KLHL13: variants seen among roughly 807,000 people sequenced by gnomAD.
KLHL13 encodes the protein kelch-like protein 13.
A neutral mutation model predicts 37.1 loss-of-function variants in KLHL13; 10 were observed. The observed-to-expected ratio is 0.27, with a 90% CI of 0.17 to 0.46. KLHL13 has a LOEUF of 0.46. Among genes scored for constraint, KLHL13 ranks in the 20% least tolerant of loss-of-function variants. KLHL13 has a pLI of 1.00. For missense variants in KLHL13, 360 were observed against 509.3 expected (o/e 0.71, Z 2.82); for synonymous variants, 163 against 181.2 (o/e 0.90, Z 0.81).
At chrX:118,040,421 T>TA (rs1324869278) in intron 1 of KLHL13, among the ~76,000 whole-genome samples, 1 of 111,280 alleles carries the variant, frequency 9.0e-6, no homozygotes, top group Admixed American at 9.6e-5. Flanking sequence ...ACAAATGACA[T>TA]ACTGAAGAAT....
chrX:118,026,913 C>G (rs2054280775), intron 1 of KLHL13, among the ~76,000 whole-genome samples: 1 of 111,707 alleles, frequency 9.0e-6, no homozygotes, highest in African/African-American at 3.2e-5. Flanking sequence ...GATCAAGATC[C>G]TGAAGTATTT....
At chrX:118,054,029 A>C (rs1409749576) in intron 1 of KLHL13, among the ~76,000 whole-genome samples, 2 of 111,447 alleles carry the variant, frequency 1.8e-5, no homozygotes, top group Non-Finnish European at 3.8e-5. Context: ...AAAAACGCTT[A>C]CAAAAGATTT....
At chrX:118,063,431 T>G (rs2054762789) in intron 1 of KLHL13, among the ~76,000 whole-genome samples, 2 of 111,210 alleles carry the variant, frequency 1.8e-5, no homozygotes, top group African/African-American at 3.3e-5. Context: ...AGAGGACAAT[T>G]GGTTCAACCC....
chrX:118,042,085 C>T (rs1269763228), intron 1 of KLHL13, among the ~76,000 whole-genome samples: 2 of 111,666 alleles, frequency 1.8e-5, no homozygotes, highest in African/African-American at 3.2e-5. Flanking sequence ...AAACATATTT[C>T]AAGACAAAAA....
upstream of KLHL13, among the ~76,000 whole-genome samples, chrX:117,977,870 A>G (rs1445365039): frequency 1.8e-5 from 2 of 112,235 alleles, no homozygotes; most frequent in Non-Finnish European, 3.8e-5. Context: ...GTTCACATTC[A>G]TGGCTATGTA....
At chrX:118,051,833 C>T (rs1355523925) in intron 1 of KLHL13, among the ~76,000 whole-genome samples, 2 of 111,148 alleles carry the variant, frequency 1.8e-5, no homozygotes, top group African/African-American at 6.5e-5. Flanking sequence ...GAACTGAACA[C>T]ATAAAAATTG....
chrX:118,033,795 C>G lies in KLHL13; in HGVS notation c.-56+82713G>C, dbSNP rs367753818. ...GCTCCAATTAAAAGACACAGACTGG[C>G]AAATTGGATAAAGAGTCAAGACCCA... On this transcript the variant is annotated intron_variant, in intron 1 of 6. Transcript: ENST00000371882. Among the ~76,000 whole-genome samples, 14 of 110,070 alleles carry G rather than the reference C, an allele frequency of 1.3e-4. 1 individual carries two copies. The East Asian group carries it at 4.0e-3, about 31-fold the overall frequency.
At chrX:117,919,875 T>C (rs1265159624) in intron 3 of KLHL13, among the ~76,000 whole-genome samples, 158 bp from the exon 5 acceptor site, 1 of 109,958 alleles carries the variant, frequency 9.1e-6, no homozygotes, top group Admixed American at 9.9e-5. Flanking sequence ...TAAAAGAAAG[T>C]ACTTAAAAAA....
At chrX:118,006,121 T>G (rs1344392227) in intron 1 of KLHL13, among the ~76,000 whole-genome samples, 1 of 111,709 alleles carries the variant, frequency 9.0e-6, no homozygotes, top group Non-Finnish European at 1.9e-5. Context: ...CAGTGATTAT[T>G]AGATCAATAC....
chrX:117,992,357 G>A (rs1355061874), intron 1 of KLHL13, among the ~76,000 whole-genome samples: 1 of 110,957 alleles, frequency 9.0e-6, no homozygotes, highest in African/African-American at 3.3e-5. Context: ...CCAGGCTCTG[G>A]AGCACTGTCC....
At chrX:117,985,365 A>G in intron 1 of KLHL13, 2 of 1,064,483 alleles carry the variant, frequency 1.9e-6, no homozygotes, top group Non-Finnish European at 2.4e-6. Flanking sequence ...AGGCTCTGCT[A>G]CATAGTAGCG....
At chrX:118,008,671 C>G (rs1200366330) in intron 1 of KLHL13, among the ~76,000 whole-genome samples, 1 of 111,375 alleles carries the variant, frequency 9.0e-6, no homozygotes, top group African/African-American at 3.3e-5. Context: ...ACAGGACAGG[C>G]AAAACCCTTG....
chrX:117,946,300 A>T (rs1933315740), intron 1 of KLHL13: 1 of 112,076 alleles, frequency 8.9e-6, no homozygotes, highest in African/African-American at 3.2e-5. Context: ...TTTCAAAGAA[A>T]TGAATACTAA....
At chrX:118,032,962 G>A (rs762304986) in intron 1 of KLHL13, among the ~76,000 whole-genome samples, 5 of 111,719 alleles carry the variant, frequency 4.5e-5, no homozygotes, top group South Asian at 7.6e-4. Context: ...CTCAGGAGCC[G>A]ATGCGATCAA....
chrX:118,104,048 T>TTAAAAAAAA (rs2055318688), intron 1 of KLHL13, among the ~76,000 whole-genome samples: 1 of 42,562 alleles, frequency 2.3e-5, no homozygotes, highest in African/African-American at 8.9e-5. Flanking sequence ...TCATTTCCAC[T>TTAAAAAAAA]AAAAAAAAAA....
chrX:118,061,102 T>C (rs1483407202), intron 1 of KLHL13, among the ~76,000 whole-genome samples: 2 of 111,844 alleles, frequency 1.8e-5, no homozygotes, highest in African/African-American at 6.5e-5. Flanking sequence ...ACAGTCACAC[T>C]GAAAAAAGAC....
Position 118,101,003 on chromosome X carries a change from C to G in KLHL13, c.-56+15505G>C, listed in dbSNP as rs1465193932. Reference sequence around the variant, plus strand: ...TTGCAAGATCCTTGAAAGTGGAGGCCCTTGAGCAAGTAATTTAACTTCTCT... The same window carrying G: ...TTGCAAGATCCTTGAAAGTGGAGGCGCTTGAGCAAGTAATTTAACTTCTCT... On this transcript the variant is annotated intron_variant, in intron 1 of 6. Transcript: ENST00000371882. Among the ~76,000 whole-genome samples, 51 of 111,147 alleles carry G rather than the reference C, an allele frequency of 4.6e-4. 1 individual carries two copies. Among genetic ancestry groups the G allele is most frequent in the Non-Finnish European group, 3.8e-5 (2 of 53,037 alleles).
chrX:118,095,648 T>A, intron 1 of KLHL13, among the ~76,000 whole-genome samples: 1 of 111,213 alleles, frequency 9.0e-6, no homozygotes, highest in East Asian at 2.8e-4. Context: ...GAAGTAAAGC[T>A]CTCCTCAGCA....
At chrX:118,067,889 A>G (rs2054811663) in intron 1 of KLHL13, among the ~76,000 whole-genome samples, 1 of 112,054 alleles carries the variant, frequency 8.9e-6, no homozygotes, top group Non-Finnish European at 1.9e-5. Context: ...TAACAATAGA[A>G]AGTATAGTAA....
Sources: allele counts gnomAD v4.1 joint callset (sites outside exome capture counted in the v4.1 genomes callset), GRCh38; gene constraint gnomAD v4.1.1; transcripts MANE v1.5; gene names NCBI Gene and HGNC (gene_info 2026-07-23, HGNC 2026-07-21).